The following BCAR3 variants were observed in gnomAD, a reference collection of about 807,000 sequenced individuals.
BCAR3 encodes breast cancer anti-estrogen resistance protein 3.
BCAR3 carries 37 observed loss-of-function variants against 80.1 expected under a neutral mutation model. The ratio of observed to expected loss-of-function variants is 0.46; its 90% CI spans 0.36 to 0.61. BCAR3 has a LOEUF of 0.61. Among genes scored for constraint, BCAR3 ranks in the 20% least tolerant of loss-of-function variants. The probability of loss-of-function intolerance (pLI) is 0.00; values close to 1 mark genes in which losing one functional copy is unlikely to be tolerated. For synonymous variants in BCAR3, 389 were observed against 418.9 expected (o/e 0.93, Z 0.87); for missense variants, 978 against 1,068.2 (o/e 0.92, Z 1.18).
At chr1:93,665,424 A>T (rs1285679641) in intron 2 of BCAR3, among the ~76,000 whole-genome samples, 1 of 152,064 alleles carries the variant, frequency 6.6e-6, no homozygotes, top group African/African-American at 2.4e-5. Context: ...TCTTTTGAAC[A>T]CCAACCCTAT....
chr1:93,615,052 C>T (rs1473106722), intron 3 of BCAR3, among the ~76,000 whole-genome samples: 3 of 146,268 alleles, frequency 2.1e-5, no homozygotes, highest in Admixed American at 1.4e-4. Context: ...CTGCCTGTAG[C>T]TCTTCCTCTC....
intron 2 of BCAR3, among the ~76,000 whole-genome samples, chr1:93,765,629 G>A (rs570723891): frequency 1.3e-5 from 2 of 151,358 alleles, no homozygotes; most frequent in Non-Finnish European, 2.9e-5. Context: ...TTATTTTTGT[G>A]TGTGTGGTAA....
At chr1:93,841,602 C>T (rs1440020470) in intron 2 of BCAR3, among the ~76,000 whole-genome samples, 2 of 152,258 alleles carry the variant, frequency 1.3e-5, no homozygotes, top group Non-Finnish European at 2.9e-5. Context: ...ACACGATATA[C>T]CTGCATCTGC....
chr1:93,747,469 T>C (rs189540821), intron 2 of BCAR3, among the ~76,000 whole-genome samples: 2 of 151,846 alleles, frequency 1.3e-5, no homozygotes, highest in East Asian at 3.9e-4. Context: ...ATCATCCTAT[T>C]TGCAGTTGCT....
intron 2 of BCAR3, among the ~76,000 whole-genome samples, chr1:93,673,094 T>C (rs1173334385): frequency 6.6e-6 from 1 of 152,178 alleles, no homozygotes; most frequent in South Asian, 2.1e-4. Context: ...TGAGCTTAAA[T>C]ATCATCTCAG....
intron 2 of BCAR3, chr1:93,753,632 G>A (rs928541746): frequency 1.4e-5 from 2 of 147,208 alleles, no homozygotes; most frequent in African/African-American, 5.1e-5. Flanking sequence ...GGACTTTAAT[G>A]GGGAGCTCAA....
chr1:93,682,612 C>T (rs905397748), upstream of BCAR3, among the ~76,000 whole-genome samples: 3 of 152,156 alleles, frequency 2.0e-5, no homozygotes, highest in Non-Finnish European at 4.4e-5. Flanking sequence ...TGTTGTGCAA[C>T]GGCATGATCT....
At chr1:93,683,120 A>T (rs1039949613), upstream of BCAR3, among the ~76,000 whole-genome samples, 1 of 152,212 alleles carries the variant, frequency 6.6e-6, no homozygotes, top group Non-Finnish European at 1.5e-5. Context: ...CAGATATATA[A>T]AGAACACCTA....
chr1:93,834,896 C>A (rs1004905702), intron 2 of BCAR3, among the ~76,000 whole-genome samples: 5 of 152,192 alleles, frequency 3.3e-5, no homozygotes, highest in African/African-American at 4.8e-5. Flanking sequence ...TCTCTCTGAT[C>A]CACCTGACAT....
chr1:93,658,423 C>A (rs1345970459), intron 2 of BCAR3, among the ~76,000 whole-genome samples: 2 of 151,762 alleles, frequency 1.3e-5, no homozygotes, highest in African/African-American at 4.8e-5. Flanking sequence ...TGCAGAGCTA[C>A]TAAGAGAGTT....
At chr1:93,647,114 G>A (rs1244739643) in intron 2 of BCAR3, among the ~76,000 whole-genome samples, 2 of 152,106 alleles carry the variant, frequency 1.3e-5, no homozygotes, top group Non-Finnish European at 2.9e-5. Context: ...ATAGAGTTAT[G>A]TCTAAAACAA....
At chr1:93,769,010 C>T (rs1652256023) in intron 2 of BCAR3, among the ~76,000 whole-genome samples, 1 of 152,188 alleles carries the variant, frequency 6.6e-6, no homozygotes. Flanking sequence ...GCCCTTTGTC[C>T]CCAAGGGCCT....
intron 3 of BCAR3, among the ~76,000 whole-genome samples, chr1:93,621,189 A>G (rs950352092): frequency 6.6e-6 from 1 of 152,250 alleles, no homozygotes; most frequent in Non-Finnish European, 1.5e-5. Flanking sequence ...TGCAAACAAA[A>G]TATTTCAGTG....
chr1:93,751,585 G>A (rs1289038546), intron 2 of BCAR3, among the ~76,000 whole-genome samples: 10 of 152,114 alleles, frequency 6.6e-5, no homozygotes, highest in African/African-American at 2.4e-4. Flanking sequence ...CATAAACCTT[G>A]GCCAAGCCCA....
intron 2 of BCAR3, among the ~76,000 whole-genome samples, chr1:93,804,402 A>G (rs1481165430): frequency 6.6e-6 from 1 of 152,208 alleles, no homozygotes; most frequent in Admixed American, 6.5e-5. Flanking sequence ...TAACAGTAAA[A>G]TAGAACAATT....
chr1:93,668,160 G>T (rs1437512910), intron 2 of BCAR3, among the ~76,000 whole-genome samples: 1 of 152,126 alleles, frequency 6.6e-6, no homozygotes, highest in Non-Finnish European at 1.5e-5. Context: ...GCAGTCCAGA[G>T]GAGATGTTAC....
At chr1:93,786,219 A>AAAAAAAAAT (rs1557688155) in intron 2 of BCAR3, among the ~76,000 whole-genome samples, 9 of 148,778 alleles carry the variant, frequency 6.0e-5, no homozygotes, top group East Asian at 5.8e-4. Context: ...AAAAAAAAAA[A>AAAAAAAAAT]GTGCCATGCA....
chr1:93,695,937 C>T (rs572565873), intron 3 of BCAR3, among the ~76,000 whole-genome samples: 1 of 152,290 alleles, frequency 6.6e-6, no homozygotes, highest in South Asian at 2.1e-4. Flanking sequence ...GTCCTCTTTC[C>T]CCAACCACCT....
At chr1:93,613,761 T>A (rs2101881964) in intron 3 of BCAR3, 1 of 1,470,956 alleles carries the variant, frequency 6.8e-7, no homozygotes, top group Non-Finnish European at 9.2e-7. Context: ...AGCTGCAAAC[T>A]TTTATCTATT....
Sources: allele counts gnomAD v4.1 joint callset (sites outside exome capture counted in the v4.1 genomes callset), GRCh38; gene constraint gnomAD v4.1.1; transcripts MANE v1.5; gene names NCBI Gene and HGNC (gene_info 2026-07-23, HGNC 2026-07-21).